The following DOCK5 variants were observed in gnomAD, a reference collection of about 807,000 sequenced individuals.
DOCK5 encodes the protein dedicator of cytokinesis 5, also known as dedicator of cytokinesis protein 5.
A neutral mutation model predicts 251.8 loss-of-function variants in DOCK5; 142 were observed. The ratio of observed to expected loss-of-function variants is 0.56; its 90% CI spans 0.49 to 0.65. The LOEUF (loss-of-function observed/expected upper bound fraction) is 0.65. Ranked by LOEUF, DOCK5 falls within the 30% of genes least tolerant of loss-of-function variation. The pLI is 0.00. For synonymous variants in DOCK5, 842 were observed against 835.5 expected (o/e 1.01, Z -0.13); for missense variants, 2,111 against 2,312.3 (o/e 0.91, Z 1.79).
intron 1 of DOCK5, among the ~76,000 whole-genome samples, chr8:25,234,777 G>A (rs116518572): frequency 3.3e-5 from 5 of 152,166 alleles, no homozygotes; most frequent in Non-Finnish European, 7.3e-5. Flanking sequence ...GTTTCTTAAA[G>A]GAGCTCTGTA....
chr8:25,377,498 C>T (rs1301055093), intron 38 of DOCK5, 74 bp downstream of exon 38: 1 of 1,513,160 alleles, frequency 6.6e-7, no homozygotes, highest in African/African-American at 1.4e-5. Flanking sequence ...TTCTGATGCT[C>T]ACCACTTGGA....
At chr8:25,254,915 G>A (rs1252944365) in intron 2 of DOCK5, among the ~76,000 whole-genome samples, 2 of 151,700 alleles carry the variant, frequency 1.3e-5, no homozygotes, top group African/African-American at 4.8e-5. Context: ...ACCTCGCTAA[G>A]GAAGATATAT....
chr8:25,377,439 GT>G lies in DOCK5; in HGVS notation c.3936+20del, dbSNP rs781647343. On this transcript the variant is annotated intron_variant, in intron 38 of 51. Transcript: ENST00000276440. ...ACAAAGGCAAAGTGAGTATTGGATT[GT>G]TTTTGTACTAGGGGAAAGAGGAAAA... 1.4e-5 allele frequency: 23 copies of G among 1,610,388 alleles called. No individual in the cohort carries two copies. Among genetic ancestry groups the G allele is most frequent in the Non-Finnish European group, 1.8e-5 (21 of 1,178,376 alleles).
chr8:25,292,446 G>T (rs1350041890), intron 6 of DOCK5, among the ~76,000 whole-genome samples: 1 of 152,036 alleles, frequency 6.6e-6, no homozygotes, highest in African/African-American at 2.4e-5. Context: ...TCCAAATAAA[G>T]AAAACAAAAA....
intron 2 of DOCK5, among the ~76,000 whole-genome samples, chr8:25,253,859 A>G (rs1803341396): frequency 6.6e-6 from 1 of 152,242 alleles, no homozygotes; most frequent in South Asian, 2.1e-4. Flanking sequence ...CCCAATTAAA[A>G]TCCCAGACAG....
At chr8:25,246,742 GTGTGTGTGTGTGT>G (rs1803126855) in intron 2 of DOCK5, among the ~76,000 whole-genome samples, 2 of 145,470 alleles carry the variant, frequency 1.4e-5, no homozygotes, top group African/African-American at 5.5e-5. Flanking sequence ...GTGTGTGTGT[GTGTGTGTGTGTGT>G]GGCGGGGGCG....
Position 25,390,274 on chromosome 8 carries a change from G to C in DOCK5, c.4342G>C (p.Glu1448Gln). ...PPSYKDKPVPEQILNYYRANE... is the reference protein window; with the variant it reads ...PPSYKDKPVPQQILNYYRANE... ...CAGCTACAAGGATAAACCTGTTCCA[G>C]AGCAGATCTTAAAGTAAGTGGTTTT... The change falls in exon 42 of 52, where the codon GAG becomes CAG. Residue 1448 changes from glutamate (E) to glutamine (Q), a missense_variant. Transcript: ENST00000276440. The C allele has an allele frequency of 6.3e-7, 1 of 1,580,962 alleles. No homozygotes were observed. Among genetic ancestry groups the C allele is most frequent in the Non-Finnish European group, 8.6e-7 (1 of 1,163,520 alleles).
At chr8:25,346,486 C>T (rs2117241300) in intron 26 of DOCK5, among the ~76,000 whole-genome samples, 1 of 152,128 alleles carries the variant, frequency 6.6e-6, no homozygotes, top group South Asian at 2.1e-4. Context: ...ATTATGTTTT[C>T]TCATCTTGCG....
At chr8:25,339,692 G>A (rs1214418625) in intron 22 of DOCK5, among the ~76,000 whole-genome samples, 1 of 152,334 alleles carries the variant, frequency 6.6e-6, no homozygotes, top group East Asian at 1.9e-4. Context: ...GGAGTAACGA[G>A]AACCCAGTGT....
chr8:25,391,196 C>G (rs1801252008), intron 42 of DOCK5, among the ~76,000 whole-genome samples: 1 of 129,504 alleles, frequency 7.7e-6, no homozygotes. Context: ...CACCACCACA[C>G]CTGTGTGTGT....
intron 29 of DOCK5, among the ~76,000 whole-genome samples, chr8:25,364,105 A>G (rs1177929554): frequency 6.6e-6 from 1 of 152,224 alleles, no homozygotes; most frequent in Non-Finnish European, 1.5e-5. Flanking sequence ...TACTTGTTGA[A>G]CAGAAGTGAA....
At chr8:25,296,917 A>G (rs1360086363) in intron 7 of DOCK5, among the ~76,000 whole-genome samples, 2 of 152,188 alleles carry the variant, frequency 1.3e-5, no homozygotes, top group Non-Finnish European at 2.9e-5. Flanking sequence ...AAAAATGTAT[A>G]TAAATCTATG....
rs1261568235 is a variant in DOCK5 at position 25,345,919 on chromosome 8, G to A, written c.2754+308G>A. 2.6e-5 allele frequency among the ~76,000 whole-genome samples: 4 copies of A among 151,908 alleles called. 1 individual carries two copies. The highest frequency in any genetic ancestry group is 2.0e-4 in the Admixed American group (3 of 15,256). On this transcript the variant is annotated intron_variant, in intron 26 of 51. Transcript: ENST00000276440. The stretch of plus-strand genomic sequence containing the variant: ...GGCTGGAGTGCAGTGGCGCGATCTC[G>A]GCTCACTGCAAGCTCCGCCTCCCGG...
At chr8:25,355,681 C>T (rs1800554861) in intron 27 of DOCK5, among the ~76,000 whole-genome samples, 1 of 152,086 alleles carries the variant, frequency 6.6e-6, no homozygotes, top group African/African-American at 2.4e-5. Context: ...ATCTCCTGAC[C>T]TCAAATGATC....
intron 3 of DOCK5, among the ~76,000 whole-genome samples, chr8:25,273,385 G>T (rs540533419): frequency 6.6e-6 from 1 of 152,236 alleles, no homozygotes; most frequent in African/African-American, 2.4e-5. Context: ...ATCACTTGAG[G>T]TTAAGAGTTG....
At position 25,400,280 on chromosome 8, in the gene DOCK5, C is replaced by T. The variant is rs62502354; in HGVS notation, c.4788+286C>T. On this transcript the variant is annotated intron_variant, in intron 46 of 51. Coordinates refer to ENST00000276440, the MANE Select transcript of DOCK5 (RefSeq NM_024940.8). ...TTGGGAGGCTGAAGTGGGTGGATCA[C>T]CTGAGGTCAGGAGTTCCAGACCAGC... is the stretch of plus-strand genomic sequence containing the variant. 3.9e-5 allele frequency among the ~76,000 whole-genome samples: 6 copies of T among 152,060 alleles called. No homozygotes were observed. The South Asian group carries it at 1.2e-3, about 32-fold the overall frequency.
rs757596783 is a variant in DOCK5 at position 25,299,011 on chromosome 8, A to G, written c.674A>G (p.Tyr225Cys). Residue 225 changes from tyrosine to cysteine, a missense_variant, in exon 8 of 52, where the codon TAT becomes TGT. This residue lies in a region of DOCK5 where 335 missense variants were observed against 324.9 expected (regional missense o/e 1.03). Coordinates refer to ENST00000276440, the MANE Select transcript of DOCK5 (RefSeq NM_024940.8). ...AGTACCATCCACACCTATGGCCTCT[A>G]TGTGAACTTCAAGAACTTTGTCTGC... ...IFSTIHTYGLYVNFKNFVCNI... is the reference protein window; with the variant it reads ...IFSTIHTYGLCVNFKNFVCNI... 3 of 1,613,882 alleles carry G rather than the reference A, an allele frequency of 1.9e-6. No individual in the cohort carries two copies. Among genetic ancestry groups the G allele is most frequent in the Non-Finnish European group, 2.5e-6 (3 of 1,179,862 alleles).
chr8:25,226,864 C>T (rs576568940), intron 1 of DOCK5, among the ~76,000 whole-genome samples: 2 of 152,310 alleles, frequency 1.3e-5, no homozygotes, highest in East Asian at 3.9e-4. Flanking sequence ...GGATTACAGG[C>T]GTGAGCCACC....
rs766005235 is a variant in DOCK5 at position 25,342,526 on chromosome 8, TTGC to T, written c.2617+23_2617+25del. 6.5e-7 allele frequency: 1 copy of T among 1,546,484 alleles called. No individual in the cohort carries two copies. The highest frequency in any genetic ancestry group is 8.8e-7 in the Non-Finnish European group (1 of 1,138,450). On this transcript the variant is annotated intron_variant, in intron 25 of 51. Transcript: ENST00000276440. ...CAGTCAGGTAAGTCTCCTTCAAAAC[TTGC>T]TGCATGAGGTTGCAGTGAGCTGAGA...
Sources: allele counts gnomAD v4.1 joint callset (sites outside exome capture counted in the v4.1 genomes callset), GRCh38; gene constraint gnomAD v4.1.1; regional missense constraint gnomAD v4.1.1; transcripts MANE v1.5; gene names NCBI Gene and HGNC (gene_info 2026-07-23, HGNC 2026-07-21).